The following TYR variants were observed in gnomAD, a reference collection of about 807,000 sequenced individuals.
TYR encodes the protein LB24-AB.
TYR carries 58 observed loss-of-function variants against 51.5 expected under a neutral mutation model. That is an observed-to-expected ratio of 1.13 (90% CI 0.91 to 1.40). TYR has a LOEUF of 1.40. Ranked by LOEUF, TYR falls within the 40% of genes most tolerant of loss-of-function variation. TYR has a pLI of 0.00. For missense variants in TYR, 732 were observed against 647.4 expected, an observed-to-expected ratio of 1.13 and a Z score of -1.42; for synonymous variants, 263 against 235.2, an observed-to-expected ratio of 1.12 and a Z score of -1.08.
Position 89,289,500 on chromosome 11 carries a change from A to C in TYR, c.1366+4546A>C, listed in dbSNP as rs192392486. Among the ~76,000 whole-genome samples the C allele has an allele frequency of 2.6e-5, 4 of 152,032 alleles. No homozygotes were observed. In the East Asian group the frequency reaches 7.8e-4, roughly 30 times the overall value. On this transcript the variant is annotated intron_variant, in intron 4 of 4. Coordinates refer to ENST00000263321, the MANE Select transcript of TYR (RefSeq NM_000372.5). ...CAGAGATGTAGGAAGTCTTTTCTCC[A>C]TGATGCCTTTCTATCTTCATCAGAA...
intron 2 of TYR, among the ~76,000 whole-genome samples, chr11:89,201,112 A>G (rs1943593647): frequency 6.6e-6 from 1 of 152,148 alleles, no homozygotes; most frequent in Non-Finnish European, 1.5e-5. Context: ...ATCACCACCA[A>G]TCTCATCAGA....
intron 2 of TYR, among the ~76,000 whole-genome samples, chr11:89,201,095 T>G (rs1162302304): frequency 6.6e-6 from 1 of 152,192 alleles, no homozygotes; most frequent in African/African-American, 2.4e-5. Flanking sequence ...AAAATCACAT[T>G]ATTAATATCA....
intron 3 of TYR, among the ~76,000 whole-genome samples, chr11:89,247,244 C>G (rs1361328274): frequency 6.6e-6 from 1 of 152,184 alleles, no homozygotes; most frequent in Non-Finnish European, 1.5e-5. Context: ...TCGTGGCAGA[C>G]AGCATCTATG....
At chr11:89,202,412 AAGC>A (rs1943608474) in intron 2 of TYR, among the ~76,000 whole-genome samples, 1 of 151,112 alleles carries the variant, frequency 6.6e-6, no homozygotes, top group Non-Finnish European at 1.5e-5. Context: ...TATGAAAATG[AAGC>A]AGTTTTTTTT....
At chr11:89,216,346 T>C (rs1034704572) in intron 2 of TYR, among the ~76,000 whole-genome samples, 1 of 152,174 alleles carries the variant, frequency 6.6e-6, no homozygotes, top group Admixed American at 6.5e-5. Flanking sequence ...TCATGGAATA[T>C]TGTGGAATTA....
chr11:89,258,285 T>A (rs1003609441), intron 3 of TYR, among the ~76,000 whole-genome samples: 1 of 151,996 alleles, frequency 6.6e-6, no homozygotes, highest in African/African-American at 2.4e-5. Flanking sequence ...AGAAAAATTG[T>A]GTTTCCATAT....
At position 89,195,917 on chromosome 11, in the gene TYR, C is replaced by T. The variant is rs1943513705; in HGVS notation, c.1036+4499C>T. On this transcript the variant is annotated intron_variant, in intron 2 of 4. Coordinates refer to ENST00000263321, the MANE Select transcript of TYR (RefSeq NM_000372.5). ...TCTTTTATTTATTTTTTTAATAGCA[C>T]TGTTGGAGAATGGGACATGGGGACT... Among the ~76,000 whole-genome samples the T allele has an allele frequency of 2.6e-5, 4 of 151,922 alleles. No homozygotes were observed. The South Asian group carries it at 8.3e-4, about 32-fold the overall frequency.
intron 3 of TYR, among the ~76,000 whole-genome samples, chr11:89,257,035 A>G (rs1450398914): frequency 2.0e-5 from 3 of 151,996 alleles, no homozygotes; most frequent in Non-Finnish European, 4.4e-5. Context: ...TGTGCTGATA[A>G]GAAAGCTAGA....
At chr11:89,272,997 T>A (rs1260845049) in intron 3 of TYR, among the ~76,000 whole-genome samples, 3 of 152,030 alleles carry the variant, frequency 2.0e-5, no homozygotes, top group East Asian at 2.0e-4. Context: ...TGATCTTCTA[T>A]CCAAACCACT....
Position 89,203,543 on chromosome 11 carries a change from T to C in TYR, c.1036+12125T>C, listed in dbSNP as rs534548773. ...GGTAAAGTAGGTACACTTTTCTCTA[T>C]TAGTCCCTCTAAATACAACCACAAT... On this transcript the variant is annotated intron_variant, in intron 2 of 4. Coordinates refer to ENST00000263321, the MANE Select transcript of TYR (RefSeq NM_000372.5). Among the ~76,000 whole-genome samples, 3 of 152,278 alleles carry C rather than the reference T, an allele frequency of 2.0e-5. No individual in the cohort carries two copies. In the South Asian group the frequency reaches 6.2e-4, roughly 32 times the overall value.
Position 89,231,300 on chromosome 11 carries a change from T to C in TYR, c.1184+3330T>C, listed in dbSNP as rs1944046500. ...ATAAAACTATCATATGATTCAGCAG[T>C]TCCACTCCTGGGCATGTATCGAAAG... On this transcript the variant is annotated intron_variant, in intron 3 of 4. Coordinates refer to ENST00000263321, the MANE Select transcript of TYR (RefSeq NM_000372.5). Among the ~76,000 whole-genome samples, 3 of 152,078 alleles carry C rather than the reference T, an allele frequency of 2.0e-5. 1 individual carries two copies. Among genetic ancestry groups the C allele is most frequent in the African/African-American group, 7.2e-5 (3 of 41,424 alleles).
intron 2 of TYR, among the ~76,000 whole-genome samples, chr11:89,192,822 T>C (rs1298225774): frequency 6.6e-6 from 1 of 152,178 alleles, no homozygotes; most frequent in African/African-American, 2.4e-5. Context: ...CTGAGGAAGA[T>C]TGTATTTATT....
At chr11:89,230,468 G>A (rs1234525066) in intron 3 of TYR, among the ~76,000 whole-genome samples, 6 of 152,024 alleles carry the variant, frequency 3.9e-5, no homozygotes, top group Admixed American at 6.6e-5. Context: ...ACTTTGGTCT[G>A]GGCAATGATT....
intron 3 of TYR, among the ~76,000 whole-genome samples, chr11:89,246,430 A>C (rs184018460): frequency 6.6e-6 from 1 of 152,322 alleles, no homozygotes; most frequent in Admixed American, 6.5e-5. Flanking sequence ...GTAAAGAGCT[A>C]AAGTATAAGG....
At chr11:89,277,694 CT>C (rs1289568787) in intron 3 of TYR, among the ~76,000 whole-genome samples, 26 of 151,818 alleles carry the variant, frequency 1.7e-4, no homozygotes, top group African/African-American at 5.5e-4. Context: ...AATACAAACA[CT>C]TTGCTCAGTA....
At chr11:89,228,650 C>T (rs186207062) in intron 3 of TYR, among the ~76,000 whole-genome samples, 30 of 152,244 alleles carry the variant, frequency 2.0e-4, no homozygotes, top group African/African-American at 7.2e-4. Flanking sequence ...TGATCTCTTC[C>T]ACTGGCCTGA....
chr11:89,240,656 GT>G (rs1565409471), intron 3 of TYR, among the ~76,000 whole-genome samples: 1 of 151,960 alleles, frequency 6.6e-6, no homozygotes, highest in Non-Finnish European at 1.5e-5. Flanking sequence ...TTCTTATACA[GT>G]AGTACTATCT....
At chr11:89,179,377 C>T (rs1184131297) in intron 1 of TYR, among the ~76,000 whole-genome samples, 1 of 152,078 alleles carries the variant, frequency 6.6e-6, no homozygotes, top group African/African-American at 2.4e-5. Context: ...GATCCTGAGG[C>T]TTAAACAGGT....
intron 2 of TYR, among the ~76,000 whole-genome samples, chr11:89,226,423 A>G (rs1943977721): frequency 1.3e-5 from 2 of 152,142 alleles, no homozygotes; most frequent in South Asian, 2.1e-4. Flanking sequence ...AGTGTCATGT[A>G]TGTATATTCA....
Sources: allele counts gnomAD v4.1 joint callset (sites outside exome capture counted in the v4.1 genomes callset), GRCh38; gene constraint gnomAD v4.1.1; transcripts MANE v1.5; gene names NCBI Gene and HGNC (gene_info 2026-07-23, HGNC 2026-07-21).